Variants in CAMTA1 observed in about 807,000 individuals in gnomAD.
The protein encoded by CAMTA1 is calmodulin-binding transcription activator 1.
A neutral mutation model predicts 170.9 loss-of-function variants in CAMTA1; 27 were observed. The ratio of observed to expected loss-of-function variants is 0.16; its 90% CI spans 0.12 to 0.22. The LOEUF is 0.22. CAMTA1 is among the 10% of genes least tolerant of loss of function. The pLI is 1.00. For synonymous variants in CAMTA1, 833 were observed against 891.5 expected, an observed-to-expected ratio of 0.93 and a Z score of 1.17; for missense variants, 1,619 against 2,217.2, an observed-to-expected ratio of 0.73 and a Z score of 5.42.
chr1:6,844,174 A>T (rs1451820064), intron 3 of CAMTA1, among the ~76,000 whole-genome samples: 2 of 152,252 alleles, frequency 1.3e-5, no homozygotes, highest in African/African-American at 4.8e-5. Context: ...ATACAGGTTC[A>T]AAACAAAGGC....
At chr1:7,419,111 A>G (rs1557682903) in intron 5 of CAMTA1, among the ~76,000 whole-genome samples, 2 of 152,160 alleles carry the variant, frequency 1.3e-5, no homozygotes. Flanking sequence ...CTCCTCATTC[A>G]TGCAGCACTT....
At chr1:6,937,876 A>G (rs1007613559) in intron 3 of CAMTA1, among the ~76,000 whole-genome samples, 3 of 151,960 alleles carry the variant, frequency 2.0e-5, no homozygotes, top group African/African-American at 7.3e-5. Context: ...ACCATTCACC[A>G]CTTAAACCAC....
intron 6 of CAMTA1, among the ~76,000 whole-genome samples, chr1:7,629,301 C>T (rs1208884008): frequency 3.3e-5 from 5 of 152,218 alleles, no homozygotes; most frequent in Non-Finnish European, 5.9e-5. Flanking sequence ...GTGGGGGCAC[C>T]GGCCATCATG....
rs558720077 is a variant in CAMTA1, at chr1:7,310,615, T to G, written c.438+60989T>G. ...TTTTCTTTTCTTTTCTTTCTTTCTTTCTTTCTTTCTTTCTTTCTTTCTTTC... is the reference window on the plus strand; with the variant it reads ...TTTTCTTTTCTTTTCTTTCTTTCTTGCTTTCTTTCTTTCTTTCTTTCTTTC... On this transcript the variant is annotated intron_variant, in intron 5 of 22. Transcript: ENST00000303635. 9.3e-4 allele frequency among the ~76,000 whole-genome samples: 3 copies of G among 3,216 alleles called. No individual in the cohort carries two copies. In the South Asian group the frequency reaches 0.048, roughly 52 times the overall value. 2.1% of individuals were successfully genotyped at this position (3,216 alleles called of 152,430 possible). A position where few individuals can be genotyped will look rare whatever the true frequency, so the allele number is the denominator to read the frequency against.
At chr1:7,174,128 A>G (rs1650252308) in intron 4 of CAMTA1, among the ~76,000 whole-genome samples, 1 of 152,160 alleles carries the variant, frequency 6.6e-6, no homozygotes, top group African/African-American at 2.4e-5. Context: ...GGAGCAGTGC[A>G]AAGCAAGCTC....
In CAMTA1 at chr1:7,674,904, T is replaced by C. The variant is rs1045510991; in HGVS notation, c.2780-2695T>C. ...TGGGCACTGACCTTGGCACTAGGCA[T>C]GAAGATTAAGACAGAGCCAGTCCCA... On this transcript the variant is annotated intron_variant, in intron 10 of 22. Transcript: ENST00000303635. The surrounding 1 kb of genome is among the most constrained non-coding windows in gnomAD (Gnocchi z 4.1). Among the ~76,000 whole-genome samples, 7 of 152,310 alleles carry C rather than the reference T, an allele frequency of 4.6e-5. No homozygotes were observed. In the Middle Eastern group the frequency reaches 0.01, roughly 222 times the overall value.
chr1:6,942,813 T>C (rs1012216759), intron 3 of CAMTA1, among the ~76,000 whole-genome samples: 1 of 152,210 alleles, frequency 6.6e-6, no homozygotes, highest in Non-Finnish European at 1.5e-5. Context: ...GTGAGGCCAG[T>C]GTGGCCAGCT....
At chr1:7,543,024 C>A (rs1440216859) in intron 6 of CAMTA1, among the ~76,000 whole-genome samples, 1 of 152,070 alleles carries the variant, frequency 6.6e-6, no homozygotes, top group Non-Finnish European at 1.5e-5. Context: ...TCCACTACAC[C>A]CGGCTAATTA....
chr1:6,956,316 T>A (rs1689449985), intron 3 of CAMTA1, among the ~76,000 whole-genome samples: 1 of 152,174 alleles, frequency 6.6e-6, no homozygotes. Context: ...TTGAAGCTCA[T>A]GGCCAACCTC....
At chr1:7,703,446 G>A (rs1490259311) in intron 11 of CAMTA1, among the ~76,000 whole-genome samples, 1 of 152,176 alleles carries the variant, frequency 6.6e-6, no homozygotes, top group Non-Finnish European at 1.5e-5. Flanking sequence ...AGCCCCCAAG[G>A]GAAGCCATGG....
In CAMTA1 at chr1:6,939,768, G is replaced by A. The variant is rs145773282; in HGVS notation, c.234+114558G>A. On this transcript the variant is annotated intron_variant, in intron 3 of 22. Transcript: ENST00000303635. ...AACCCCGGTCACCCTTCGTCACGGC[G>A]CAGGGCTCTGTTTTCATCTTGGCAC... 2.0e-5 allele frequency among the ~76,000 whole-genome samples: 3 copies of A among 152,324 alleles called. No individual in the cohort carries two copies. The East Asian group carries it at 5.8e-4, about 29-fold the overall frequency.
chr1:7,052,097 G>T (rs1448200283), intron 3 of CAMTA1, among the ~76,000 whole-genome samples: 1 of 151,992 alleles, frequency 6.6e-6, no homozygotes, highest in Non-Finnish European at 1.5e-5. Context: ...GGGTATCCTT[G>T]GTCCCCAGGG....
At chr1:6,904,969 G>T (rs903969691) in intron 3 of CAMTA1, among the ~76,000 whole-genome samples, 1 of 151,852 alleles carries the variant, frequency 6.6e-6, no homozygotes, top group Non-Finnish European at 1.5e-5. Flanking sequence ...TTCTCCAACA[G>T]GTTATTCGTG....
chr1:7,504,890 G>T (rs1393013529), intron 6 of CAMTA1, among the ~76,000 whole-genome samples: 1 of 152,232 alleles, frequency 6.6e-6, no homozygotes, highest in African/African-American at 2.4e-5. Context: ...AGAATCACTG[G>T]GCAGGAGGAG....
In CAMTA1 at chr1:7,044,841, C is replaced by T. The variant is rs1705110343; in HGVS notation, c.235-46463C>T. Among the ~76,000 whole-genome samples the T allele has an allele frequency of 6.6e-6, 1 of 151,276 alleles. No homozygotes were observed. The highest frequency in any genetic ancestry group is 6.6e-5 in the Admixed American group (1 of 15,184). ...CTCTTCCCGCCTGTGGTTTTCTTTCCCATTCCTGTCTGCCAGCAGTGCCTC... is the reference window on the plus strand; with the variant it reads ...CTCTTCCCGCCTGTGGTTTTCTTTCTCATTCCTGTCTGCCAGCAGTGCCTC... On this transcript the variant is annotated intron_variant, in intron 3 of 22. Transcript: ENST00000303635. The surrounding 1 kb of genome is among the most constrained non-coding windows in gnomAD (Gnocchi z 5.0).
chr1:7,576,198 C>T (rs556560360), intron 6 of CAMTA1, among the ~76,000 whole-genome samples: 8 of 152,162 alleles, frequency 5.3e-5, no homozygotes, highest in African/African-American at 1.4e-4. Flanking sequence ...TTAGTAGAGA[C>T]GGGGTTCCTC....
At position 7,710,600 on chromosome 1, in the gene CAMTA1, CA is replaced by C. The variant is rs60019262; in HGVS notation, c.2915-21826del. Among the ~76,000 whole-genome samples the C allele has an allele frequency of 7.5e-3, 623 of 82,716 alleles. 1 individual carries two copies. Among genetic ancestry groups the C allele is most frequent in the African/African-American group, 0.026 (575 of 22,044 alleles). 54.3% of individuals were successfully genotyped at this position (82,716 alleles called of 152,430 possible). A position where few individuals can be genotyped will look rare whatever the true frequency, so the allele number is the denominator to read the frequency against. ...TGGGTGACAGAACGAGACCCTGTCT[CA>C]AAAAAAAAAAAAAAAAAAAAAGAAT... On this transcript the variant is annotated intron_variant, in intron 11 of 22. Transcript: ENST00000303635.
At chr1:7,049,684 T>TC (rs1705999662) in intron 3 of CAMTA1, among the ~76,000 whole-genome samples, 1 of 152,226 alleles carries the variant, frequency 6.6e-6, no homozygotes, top group Admixed American at 6.5e-5. Context: ...CTCGAACTCT[T>TC]GACCTCAGGT....
intron 11 of CAMTA1, among the ~76,000 whole-genome samples, chr1:7,718,851 C>CG (rs1484653984): frequency 4.9e-5 from 1 of 20,422 alleles, no homozygotes; most frequent in Admixed American, 7.3e-4. Flanking sequence ...GCCCGGTCAG[C>CG]CCTTTTTTTT....
Sources: gnomAD v4.1 joint callset for allele counts (sites outside exome capture counted in the v4.1 genomes callset) on GRCh38, gnomAD v4.1.1 for gene constraint, Gnocchi (gnomAD v3.1) non-coding constraint, MANE v1.5 for transcripts, NCBI Gene and HGNC (gene_info 2026-07-23, HGNC 2026-07-21) for gene names.